Variants in DGKB observed in about 807,000 individuals in gnomAD.
The protein encoded by DGKB is diacylglycerol kinase beta.
In DGKB, 67 loss-of-function variants were observed where a neutral mutation model predicts 114.3. The observed-to-expected ratio is 0.59, with a 90% CI of 0.48 to 0.72. The LOEUF is 0.72. Ranked by LOEUF, DGKB falls within the 30% of genes least tolerant of loss-of-function variation. The pLI, the probability that DGKB is intolerant of heterozygous loss-of-function variation, is 0.00. For missense variants in DGKB, 907 were observed against 975.2 expected, an observed-to-expected ratio of 0.93 and a Z score of 0.93; for synonymous variants, 398 against 323.1, an observed-to-expected ratio of 1.23 and a Z score of -2.49.
chr7:14,253,339 T>G (rs1054949759), intron 23 of DGKB, among the ~76,000 whole-genome samples: 23 of 152,142 alleles, frequency 1.5e-4, no homozygotes, highest in African/African-American at 5.6e-4. Flanking sequence ...GCCACTTAAA[T>G]TGATTTGTAT....
intron 25 of DGKB, among the ~76,000 whole-genome samples, chr7:14,172,891 AG>A (rs1266612093): frequency 6.6e-6 from 1 of 152,152 alleles, no homozygotes; most frequent in Non-Finnish European, 1.5e-5. Flanking sequence ...TCCCATTATA[AG>A]AACATATTGA....
chr7:14,559,471 T>C (rs1796338655), intron 20 of DGKB, among the ~76,000 whole-genome samples: 1 of 152,144 alleles, frequency 6.6e-6, no homozygotes, highest in South Asian at 2.1e-4. Flanking sequence ...ACAGGCAGTC[T>C]CTTTAGTATG....
At chr7:14,264,608 C>T (rs1797230093) in intron 23 of DGKB, among the ~76,000 whole-genome samples, 1 of 152,008 alleles carries the variant, frequency 6.6e-6, no homozygotes, top group South Asian at 2.1e-4. Flanking sequence ...CTATGAGTTG[C>T]CATATAAGAA....
intron 21 of DGKB, among the ~76,000 whole-genome samples, chr7:14,369,192 T>C (rs1303479212): frequency 6.6e-6 from 1 of 152,144 alleles, no homozygotes; most frequent in Non-Finnish European, 1.5e-5. Context: ...GTTCCTGTGT[T>C]AGTTTTCTGA....
At chr7:14,840,137 T>C (rs921657227) in intron 2 of DGKB, among the ~76,000 whole-genome samples, 1 of 152,220 alleles carries the variant, frequency 6.6e-6, no homozygotes, top group Non-Finnish European at 1.5e-5. Context: ...TAATTCCTGA[T>C]ACACATCTCT....
intron 1 of DGKB, among the ~76,000 whole-genome samples, chr7:14,960,721 G>A (rs1369801201): frequency 6.6e-6 from 1 of 152,052 alleles, no homozygotes; most frequent in Non-Finnish European, 1.5e-5. Context: ...AGGTCAATCT[G>A]TGTTATTATT....
Position 14,860,706 on chromosome 7 carries a change from T to C in DGKB, c.-187-19256A>G, listed in dbSNP as rs886547839. 1.3e-5 allele frequency among the ~76,000 whole-genome samples: 2 copies of C among 151,910 alleles called. 1 individual carries two copies. On this transcript the variant is annotated intron_variant, in intron 1 of 25. Transcript: ENST00000402815. ...GATTTTGGAGTTTCAAAGCACACAG[T>C]TATACTATGTTTAGAGGATTGTAAT... is the stretch of plus-strand genomic sequence containing the variant.
intron 21 of DGKB, among the ~76,000 whole-genome samples, chr7:14,372,467 A>T (rs1817821398): frequency 6.6e-6 from 1 of 152,120 alleles, no homozygotes; most frequent in Non-Finnish European, 1.5e-5. Context: ...CCTCATCATA[A>T]GTTGAGGAGC....
At chr7:14,224,829 G>A (rs1487307515) in intron 23 of DGKB, among the ~76,000 whole-genome samples, 1 of 151,900 alleles carries the variant, frequency 6.6e-6, no homozygotes, top group African/African-American at 2.4e-5. Context: ...CTCTTTCTTT[G>A]ACCATATTCA....
chr7:14,722,188 A>G (rs927147573), intron 5 of DGKB, among the ~76,000 whole-genome samples: 3 of 152,144 alleles, frequency 2.0e-5, no homozygotes, highest in Admixed American at 2.0e-4. Context: ...ACAGGTGTAT[A>G]ATGAAGTGTC....
chr7:14,961,526 C>T (rs1161267669), intron 1 of DGKB, among the ~76,000 whole-genome samples: 6 of 152,108 alleles, frequency 3.9e-5, no homozygotes, highest in Non-Finnish European at 7.4e-5. Context: ...GAACCACCTG[C>T]CCAGATCTGA....
intron 2 of DGKB, among the ~76,000 whole-genome samples, chr7:14,808,969 G>A (rs766850184): frequency 6.6e-6 from 1 of 152,018 alleles, no homozygotes; most frequent in Non-Finnish European, 1.5e-5. Flanking sequence ...ATTATACTTG[G>A]AGCTGCTTGA....
intron 23 of DGKB, among the ~76,000 whole-genome samples, chr7:14,273,919 CTAAGT>C (rs1449397127): frequency 2.0e-5 from 3 of 152,108 alleles, no homozygotes; most frequent in Admixed American, 1.3e-4. Context: ...ATGACAATAC[CTAAGT>C]TTATTTACAA....
At chr7:14,604,155 A>T (rs1011736288) in intron 17 of DGKB, among the ~76,000 whole-genome samples, 2 of 152,152 alleles carry the variant, frequency 1.3e-5, no homozygotes, top group African/African-American at 2.4e-5. Flanking sequence ...TATTTGAAAG[A>T]GACTATTGTT....
intron 23 of DGKB, among the ~76,000 whole-genome samples, chr7:14,223,594 C>T (rs530981811): frequency 6.6e-6 from 1 of 151,504 alleles, no homozygotes; most frequent in South Asian, 2.1e-4. Flanking sequence ...TATATCAGTG[C>T]CTTTTGTATT....
At chr7:14,901,125 G>A (rs984343117) in intron 1 of DGKB, among the ~76,000 whole-genome samples, 6 of 152,076 alleles carry the variant, frequency 3.9e-5, no homozygotes, top group African/African-American at 9.7e-5. Context: ...GGCATGGATC[G>A]CCTATAACAA....
intron 1 of DGKB, among the ~76,000 whole-genome samples, chr7:14,968,119 T>C (rs961019656): frequency 6.6e-6 from 1 of 152,128 alleles, no homozygotes; most frequent in Non-Finnish European, 1.5e-5. Context: ...TATATGATCC[T>C]CTTTACATCT....
intron 15 of DGKB, 74 bp downstream of exon 15, chr7:14,621,304 T>C: frequency 1.2e-6 from 1 of 831,270 alleles, no homozygotes; most frequent in Non-Finnish European, 2.0e-6. Flanking sequence ...TGTTGATAGC[T>C]GAACATATGC....
intron 23 of DGKB, among the ~76,000 whole-genome samples, chr7:14,272,360 T>C (rs912921501): frequency 6.6e-6 from 1 of 152,190 alleles, no homozygotes; most frequent in Admixed American, 6.5e-5. Flanking sequence ...GGCATCATTA[T>C]TAGCAATACA....
Sources: gnomAD v4.1 joint callset for allele counts (sites outside exome capture counted in the v4.1 genomes callset) on GRCh38, gnomAD v4.1.1 for gene constraint, MANE v1.5 for transcripts, NCBI Gene and HGNC (gene_info 2026-07-23, HGNC 2026-07-21) for gene names.